The following EBF3 variants were observed in gnomAD, a reference collection of about 807,000 sequenced individuals.
The protein encoded by EBF3 is transcription factor COE3.
Under a neutral mutation model 77.1 loss-of-function variants are expected in EBF3, and 18 were observed. That is an observed-to-expected ratio of 0.23 (90% CI 0.16 to 0.35). The LOEUF (loss-of-function observed/expected upper bound fraction) is 0.35. Ranked by LOEUF, EBF3 falls within the 10% of genes least tolerant of loss-of-function variation. The pLI is 1.00. For synonymous variants in EBF3, 350 were observed against 343.5 expected, an observed-to-expected ratio of 1.02 and a Z score of -0.21; for missense variants, 558 against 860.0, an observed-to-expected ratio of 0.65 and a Z score of 4.39.
chr10:129,883,631 A>AG (rs1554905965), intron 6 of EBF3, among the ~76,000 whole-genome samples: 1 of 152,140 alleles, frequency 6.6e-6, no homozygotes, highest in Non-Finnish European at 1.5e-5. Context: ...TTCCGGATCG[A>AG]GCCCCCATGT....
intron 7 of EBF3, among the ~76,000 whole-genome samples, chr10:129,877,265 C>T (rs866818114): frequency 1.1e-4 from 17 of 152,116 alleles, no homozygotes; most frequent in South Asian, 4.2e-4. Flanking sequence ...CCAAGGCAGG[C>T]GGATTACTTG....
intron 6 of EBF3, among the ~76,000 whole-genome samples, chr10:129,941,237 G>A (rs1457117309): frequency 6.6e-5 from 10 of 152,250 alleles, no homozygotes; most frequent in African/African-American, 2.4e-4. Context: ...TGGGCTTAGC[G>A]AGACTTAGCA....
rs1171503475 is a variant in EBF3 at position 129,885,919 on chromosome 10, G to A, written c.555-8070C>T. Among the ~76,000 whole-genome samples, 1 of 152,070 alleles carries A rather than the reference G, an allele frequency of 6.6e-6. No individual in the cohort carries two copies. The highest frequency in any genetic ancestry group is 2.4e-5 in the African/African-American group (1 of 41,438). On this transcript the variant is annotated intron_variant, in intron 6 of 16. Transcript: ENST00000440978. The surrounding 1 kb of genome is among the most constrained non-coding windows in gnomAD (Gnocchi z 4.0). ...AGCCTCTCCCACCATACGCGTGTGTGTTTTTAGGGATCTGAAGATCACGGG... is the reference window on the plus strand; with the variant it reads ...AGCCTCTCCCACCATACGCGTGTGTATTTTTAGGGATCTGAAGATCACGGG...
intron 6 of EBF3, among the ~76,000 whole-genome samples, chr10:129,907,277 C>T (rs151039148): frequency 4.4e-4 from 67 of 152,376 alleles, no homozygotes; most frequent in Non-Finnish European, 8.8e-4. Context: ...CAGCTCTCCA[C>T]GCCAAAGGCC....
chr10:129,867,376 T>C (rs1298758000), intron 9 of EBF3, 109 bp from the exon 10 acceptor site: 1 of 1,507,472 alleles, frequency 6.6e-7, no homozygotes, highest in African/African-American at 1.4e-5. Context: ...ACCATCGTCT[T>C]GGAATGCCCC....
intron 6 of EBF3, among the ~76,000 whole-genome samples, chr10:129,898,317 G>A (rs1268163434): frequency 2.6e-5 from 4 of 152,206 alleles, no homozygotes; most frequent in South Asian, 2.1e-4. Flanking sequence ...ACGGGGTCCC[G>A]GGTTTACGGG....
chr10:129,839,196 C>G lies in EBF3; in HGVS notation c.1760-1G>C. 7 of 1,254,098 alleles carry G rather than the reference C, an allele frequency of 5.6e-6. No homozygotes were observed. The highest frequency in any genetic ancestry group is 6.4e-6 in the Non-Finnish European group (6 of 943,254). The allele number at this position is 1,254,098 out of a possible 1,614,324, so 77.7% of individuals were successfully genotyped here. A position where few individuals can be genotyped will look rare whatever the true frequency, so the allele number is the denominator to read the frequency against. On this transcript the variant is annotated splice_acceptor_variant, in intron 15 of 16. Coordinates refer to ENST00000440978, the MANE Select transcript of EBF3 (RefSeq NM_001375380.1). LOFTEE classifies it high-confidence loss of function. ...ACGTCCTCAGCACCCAGCAGAGAGC[C>G]TGGTACATAGTAGGTGCTCAGTAAA...
rs577946263 is a variant in EBF3, at chr10:129,926,399, C to G, written c.554+30859G>C. 1.8e-4 allele frequency among the ~76,000 whole-genome samples: 27 copies of G among 152,254 alleles called. No homozygotes were observed. The East Asian group carries it at 5.0e-3, about 28-fold the overall frequency. On this transcript the variant is annotated intron_variant, in intron 6 of 16. Coordinates refer to ENST00000440978, the MANE Select transcript of EBF3 (RefSeq NM_001375380.1). Reference sequence around the variant, plus strand: ...TGTGAAGGTGGGGGTGCAGGGAGAACAGGGGAGGCTTCAAGGTGTGGCTGG... The same window carrying G: ...TGTGAAGGTGGGGGTGCAGGGAGAAGAGGGGAGGCTTCAAGGTGTGGCTGG...
At chr10:129,867,057 A>G in intron 10 of EBF3, 84 bp downstream of exon 10, 1 of 1,510,504 alleles carries the variant, frequency 6.6e-7, no homozygotes, top group Non-Finnish European at 8.9e-7. Context: ...CTCTCTGTAC[A>G]GTCCTCCCGT....
chr10:129,942,884 C>T (rs1857876980), intron 6 of EBF3, among the ~76,000 whole-genome samples: 1 of 152,210 alleles, frequency 6.6e-6, no homozygotes, highest in African/African-American at 2.4e-5. Context: ...GTGCAGAACG[C>T]TCAGGTACAG....
intron 6 of EBF3, among the ~76,000 whole-genome samples, chr10:129,911,617 A>G (rs1466884685): frequency 6.6e-6 from 1 of 152,138 alleles, no homozygotes; most frequent in African/African-American, 2.4e-5. Context: ...ACGGGATGGG[A>G]AGAGGGGTGA....
chr10:129,878,719 G>A (rs561370163), intron 6 of EBF3, among the ~76,000 whole-genome samples: 6 of 148,878 alleles, frequency 4.0e-5, no homozygotes, highest in Non-Finnish European at 7.4e-5. Context: ...AAAGCAATTG[G>A]GGGGTGGGGC....
chr10:129,912,425 G>A (rs532439817), intron 6 of EBF3, among the ~76,000 whole-genome samples: 1 of 152,264 alleles, frequency 6.6e-6, no homozygotes, highest in South Asian at 2.1e-4. Flanking sequence ...GGAAATAGAG[G>A]TCTCAGAGGG....
In EBF3 at chr10:129,840,428, G is replaced by A. The variant is rs1405892839; in HGVS notation, c.1576C>T (p.Pro526Ser). Residue 526 changes from proline (P) to serine (S), a missense_variant, in exon 15 of 17, where the codon CCC (proline) becomes TCC (serine). Around this residue, in one of 5 missense-constraint regions of EBF3, gnomAD observed 284 missense variants for 368.3 expected, o/e 0.77. Coordinates refer to ENST00000440978, the MANE Select transcript of EBF3 (RefSeq NM_001375380.1). Reference protein sequence around the residue: ...NSPYGIVPSSPTMAASSVTLP... With the variant: ...NSPYGIVPSSSTMAASSVTLP... ...GTGACCGAAGAGGCTGCCATGGTGG[G>A]GCTGGACGGCACTACTGCAACAAAG... The A allele has an allele frequency of 5.2e-6, 8 of 1,551,380 alleles. No homozygotes were observed. The highest frequency in any genetic ancestry group is 7.0e-6 in the Non-Finnish European group (8 of 1,146,996).
chr10:129,930,919 A>G (rs1856981842), intron 6 of EBF3, among the ~76,000 whole-genome samples: 1 of 140,744 alleles, frequency 7.1e-6, no homozygotes, highest in South Asian at 2.3e-4. Context: ...ATATTAACAA[A>G]TCCCCCTCTC....
chr10:129,949,227 G>C (rs1039771124), intron 6 of EBF3, among the ~76,000 whole-genome samples: 30 of 152,334 alleles, frequency 2.0e-4, no homozygotes, highest in Admixed American at 5.9e-4. Flanking sequence ...CTTGAACCCG[G>C]GAAGCGGAGG....
intron 16 of EBF3, among the ~76,000 whole-genome samples, chr10:129,838,583 C>T (rs938145684): frequency 3.3e-5 from 5 of 152,174 alleles, no homozygotes; most frequent in African/African-American, 1.2e-4. Context: ...GTCATGGCAC[C>T]GCCTCGGGAC....
rs1849636351 is a variant in EBF3, at chr10:129,836,789, G to A, written c.*1154C>T. Reference sequence around the variant, plus strand: ...CAAGAAAGAAGAAAAAGGAAAAGGTGGGAAAAGCAATGTACAAAATTTCAA... The same window carrying A: ...CAAGAAAGAAGAAAAAGGAAAAGGTAGGAAAAGCAATGTACAAAATTTCAA... On this transcript the variant is annotated 3_prime_UTR_variant, in exon 17 of 17. Coordinates refer to ENST00000440978, the MANE Select transcript of EBF3 (RefSeq NM_001375380.1). 1 of 152,398 alleles carries A rather than the reference G, an allele frequency of 6.6e-6. No individual in the cohort carries two copies. Among genetic ancestry groups the A allele is most frequent in the African/African-American group, 2.4e-5 (1 of 41,378 alleles). The allele number at this position is 152,398 out of a possible 1,614,324, so 9.4% of individuals were successfully genotyped here.
intron 6 of EBF3, among the ~76,000 whole-genome samples, chr10:129,930,753 A>G (rs944719832): frequency 2.1e-5 from 3 of 143,810 alleles, no homozygotes; most frequent in Non-Finnish European, 4.5e-5. Context: ...TATATTAACA[A>G]ATCCCCCTCT....
Sources: gnomAD v4.1 joint callset for allele counts (sites outside exome capture counted in the v4.1 genomes callset) on GRCh38, gnomAD v4.1.1 for gene constraint, gnomAD v4.1.1 regional missense constraint, Gnocchi (gnomAD v3.1) non-coding constraint, MANE v1.5 for transcripts, NCBI Gene and HGNC (gene_info 2026-07-23, HGNC 2026-07-21) for gene names.